The following CADM2 variants were observed in gnomAD, a reference collection of about 807,000 sequenced individuals.
The protein encoded by CADM2 is cell adhesion molecule 2.
In CADM2, 12 loss-of-function variants were observed where a neutral mutation model predicts 49.8. That is an observed-to-expected ratio of 0.24 (90% CI 0.15 to 0.39). The LOEUF (loss-of-function observed/expected upper bound fraction) is 0.39, where lower values mean the gene tolerates loss of function less well. CADM2 is among the 10% of genes least tolerant of loss of function. CADM2 has a pLI of 1.00. For missense variants in CADM2, 378 were observed against 492.3 expected (o/e 0.77, Z 2.20); for synonymous variants, 214 against 175.4 (o/e 1.22, Z -1.74).
At chr3:85,420,143 T>A (rs2036102346) in intron 1 of CADM2, among the ~76,000 whole-genome samples, 1 of 152,294 alleles carries the variant, frequency 6.6e-6, no homozygotes, top group Middle Eastern at 3.4e-3. Context: ...CTTCCTGGAA[T>A]CTTTTTAGAA....
intron 8 of CADM2, among the ~76,000 whole-genome samples, chr3:85,967,941 C>A (rs1725666834): frequency 6.6e-6 from 1 of 151,558 alleles, no homozygotes; most frequent in South Asian, 2.1e-4. Flanking sequence ...GGAAACAGAC[C>A]TACCAGTTGG....
chr3:85,115,450 A>G (rs1351878485), intron 1 of CADM2, among the ~76,000 whole-genome samples: 1 of 152,302 alleles, frequency 6.6e-6, no homozygotes, highest in East Asian at 1.9e-4. Context: ...AGATGTGAGT[A>G]TATTTTCTGC....
At chr3:85,736,733 A>G (rs779186554) in intron 2 of CADM2, among the ~76,000 whole-genome samples, 38 of 151,994 alleles carry the variant, frequency 2.5e-4, no homozygotes, top group Non-Finnish European at 4.4e-4. Flanking sequence ...TGGGGTAGAG[A>G]TAGGGGTGGT....
intron 1 of CADM2, among the ~76,000 whole-genome samples, chr3:85,347,271 T>C (rs772008178): frequency 4.7e-5 from 6 of 126,416 alleles, no homozygotes; most frequent in Non-Finnish European, 1.0e-4. Context: ...TTGCAAATTA[T>C]ACTTAATAGC....
intron 3 of CADM2, among the ~76,000 whole-genome samples, chr3:85,857,804 T>C (rs575361899): frequency 1.3e-5 from 2 of 152,324 alleles, no homozygotes; most frequent in African/African-American, 4.8e-5. Context: ...AGTTCAAATT[T>C]AATTGAATTG....
At chr3:86,054,118 G>C (rs184146275) in intron 8 of CADM2, among the ~76,000 whole-genome samples, 163 of 151,950 alleles carry the variant, frequency 1.1e-3, no homozygotes, top group African/African-American at 3.9e-3. Context: ...AAAGCAATCA[G>C]AGAACATCTA....
intron 1 of CADM2, among the ~76,000 whole-genome samples, chr3:85,295,867 T>C (rs1270548716): frequency 1.3e-5 from 2 of 151,750 alleles, no homozygotes; most frequent in African/African-American, 2.4e-5. Context: ...GCATGGCACA[T>C]GTATACATAT....
chr3:85,523,412 A>G (rs1297103786), intron 1 of CADM2, among the ~76,000 whole-genome samples: 1 of 152,012 alleles, frequency 6.6e-6, no homozygotes, highest in African/African-American at 2.4e-5. Context: ...TAATAAACAT[A>G]ACTCAAGGCA....
intron 1 of CADM2, among the ~76,000 whole-genome samples, chr3:85,648,882 A>G (rs1354105272): frequency 6.6e-6 from 1 of 152,024 alleles, no homozygotes; most frequent in African/African-American, 2.4e-5. Context: ...TTTTACTCAT[A>G]AATTCAGATT....
chr3:85,369,002 T>G (rs1192266158), intron 1 of CADM2, among the ~76,000 whole-genome samples: 2 of 152,070 alleles, frequency 1.3e-5, no homozygotes, highest in Non-Finnish European at 2.9e-5. Flanking sequence ...TTAAAAAATC[T>G]AATGTATAGA....
chr3:85,993,893 A>G (rs879601183), intron 8 of CADM2: 6 of 152,114 alleles, frequency 3.9e-5, no homozygotes, highest in Non-Finnish European at 5.9e-5. Flanking sequence ...AGGCCTTGTT[A>G]TAACATTGAT....
intron 1 of CADM2, among the ~76,000 whole-genome samples, chr3:85,467,205 A>G (rs2038534456): frequency 6.6e-6 from 1 of 152,176 alleles, no homozygotes; most frequent in African/African-American, 2.4e-5. Flanking sequence ...GAGAATGTAG[A>G]TATTTTTAAA....
intron 8 of CADM2, among the ~76,000 whole-genome samples, chr3:85,981,196 T>A (rs951394567): frequency 6.6e-6 from 1 of 151,338 alleles, no homozygotes; most frequent in Middle Eastern, 3.2e-3. Context: ...GGACTAAATA[T>A]CTATCTATCT....
chr3:85,372,854 A>C (rs1023992054), intron 1 of CADM2, among the ~76,000 whole-genome samples: 1 of 152,146 alleles, frequency 6.6e-6, no homozygotes, highest in Non-Finnish European at 1.5e-5. Flanking sequence ...TAAAACCATC[A>C]GAACTCATGA....
rs574365273 is a variant in CADM2, at chr3:85,448,492, A to C, written c.62-278030A>C. On this transcript the variant is annotated intron_variant, in intron 1 of 9. Coordinates refer to ENST00000383699, the MANE Select transcript of CADM2 (RefSeq NM_001167675.2). ...TCATGATTCTAAACAAATAATTGAA[A>C]AGTTAAAAAGTTCAATAAAATACGG... Among the ~76,000 whole-genome samples the C allele has an allele frequency of 1.3e-4, 20 of 152,202 alleles. No individual in the cohort carries two copies. The East Asian group carries it at 3.9e-3, about 29-fold the overall frequency.
intron 1 of CADM2, among the ~76,000 whole-genome samples, chr3:85,596,199 G>A (rs899860380): frequency 1.3e-4 from 20 of 151,330 alleles, no homozygotes; most frequent in Admixed American, 7.3e-4. Context: ...GACTGTCAAT[G>A]TTCAATTAAG....
At chr3:86,028,850 T>TGCC (rs1479621026) in intron 8 of CADM2, among the ~76,000 whole-genome samples, 1 of 152,190 alleles carries the variant, frequency 6.6e-6, no homozygotes, top group East Asian at 1.9e-4. Flanking sequence ...GATTAAATTA[T>TGCC]GCAGTGCACT....
intron 1 of CADM2, among the ~76,000 whole-genome samples, chr3:85,115,802 ACATCAGTTAAAGAGGTGTGAG>A (rs1559671107): frequency 6.6e-6 from 1 of 152,140 alleles, no homozygotes; most frequent in Non-Finnish European, 1.5e-5. Context: ...TGCTAGTGAC[ACATCAGTTAAAGAGGTGTGAG>A]CTCATGGTGA....
At chr3:85,923,537 C>CAAAAAAAAAAAAA (rs57230094) in intron 6 of CADM2, among the ~76,000 whole-genome samples, 1 of 136,702 alleles carries the variant, frequency 7.3e-6, no homozygotes. Context: ...ATCATGAAAG[C>CAAAAAAAAAAAAA]AAAAAAAAAA....
Sources: allele counts gnomAD v4.1 joint callset (sites outside exome capture counted in the v4.1 genomes callset), GRCh38; gene constraint gnomAD v4.1.1; transcripts MANE v1.5; gene names NCBI Gene and HGNC (gene_info 2026-07-23, HGNC 2026-07-21).